The following PSMD11 variants were observed in gnomAD, a reference collection of about 807,000 sequenced individuals.
PSMD11 encodes the protein proteasome 26S subunit, non-ATPase 11.
Under a neutral mutation model 62.3 loss-of-function variants are expected in PSMD11, and 5 were observed. The ratio of observed to expected loss-of-function variants is 0.08; its 90% confidence interval spans 0.04 to 0.17. PSMD11 has a LOEUF of 0.17. Ranked by LOEUF, PSMD11 falls within the 10% of genes least tolerant of loss-of-function variation. The pLI is 1.00. For synonymous variants in PSMD11, 191 were observed against 191.8 expected (o/e 1.00, Z 0.03); for missense variants, 310 against 512.9 (o/e 0.60, Z 3.82).
chr17:32,479,967 A>G, intron 11 of PSMD11, 81 bp downstream of exon 11: 1 of 1,532,220 alleles, frequency 6.5e-7, no homozygotes, highest in South Asian at 1.1e-5. Flanking sequence ...GATTGGCCTC[A>G]TTGGAAAGCT....
At position 32,464,030 on chromosome 17, in the gene PSMD11, C is replaced by A; in HGVS notation, c.319-19C>A. On this transcript the variant is annotated intron_variant, in intron 3 of 13. Coordinates refer to ENST00000261712, the MANE Select transcript of PSMD11 (RefSeq NM_002815.4). ...ATTTGAGGACATAATGTTGCATGTA[C>A]TGTCTCTCCTTATTGCAGGTCGAGC... 6.2e-7 allele frequency: 1 copy of A among 1,610,532 alleles called. No homozygotes were observed. Among genetic ancestry groups the A allele is most frequent in the Non-Finnish European group, 8.5e-7 (1 of 1,176,734 alleles).
At chr17:32,447,144 G>A (rs1349519385) in intron 2 of PSMD11, 98 bp downstream of exon 2, 1 of 945,810 alleles carries the variant, frequency 1.1e-6, no homozygotes, top group East Asian at 3.1e-5. Flanking sequence ...ACTGAATTCA[G>A]CTTTATTTTC....
chr17:32,471,947 C>G lies in PSMD11; in HGVS notation c.644-1854C>G, dbSNP rs544244487. Among the ~76,000 whole-genome samples, 3 of 152,078 alleles carry G rather than the reference C, an allele frequency of 2.0e-5. No homozygotes were observed. The East Asian group carries it at 5.8e-4, about 29-fold the overall frequency. On this transcript the variant is annotated intron_variant, in intron 6 of 13. Coordinates refer to ENST00000261712, the MANE Select transcript of PSMD11 (RefSeq NM_002815.4). ...GCATTTTTGCTATCACAGCTCCCAT[C>G]GCTATCATCAGCCTCCCAGGCTCAC...
At chr17:32,463,966 G>A (rs1042749001) in intron 3 of PSMD11, 83 bp from the exon 4 acceptor site, 57 of 1,239,660 alleles carry the variant, frequency 4.6e-5, no homozygotes, top group Non-Finnish European at 5.7e-5. Context: ...TGTAAGGAGG[G>A]AATTTAAGCT....
intron 8 of PSMD11, chr17:32,476,731 C>G (rs894867439): frequency 6.6e-6 from 1 of 152,080 alleles, no homozygotes; most frequent in African/African-American, 2.4e-5. Flanking sequence ...ACCTTCATCA[C>G]TCTGTGGGGT....
chr17:32,479,719 T>C, intron 10 of PSMD11, 132 bp from the exon 11 acceptor site: 1 of 1,070,532 alleles, frequency 9.3e-7, no homozygotes. Context: ...ACAAGAGACT[T>C]AAGCACGGCC....
chr17:32,461,112 C>G (rs1292053568), intron 3 of PSMD11, among the ~76,000 whole-genome samples: 1 of 151,972 alleles, frequency 6.6e-6, no homozygotes, highest in Non-Finnish European at 1.5e-5. Context: ...GAGTCTCGCA[C>G]CGTCGCCCGG....
chr17:32,477,380 G>A (rs541129372), intron 8 of PSMD11, 141 bp from the exon 9 acceptor site: 14 of 585,662 alleles, frequency 2.4e-5, no homozygotes, highest in Middle Eastern at 5.4e-4. Context: ...TCTTCTTCCC[G>A]GGCGTCTGAA....
intron 7 of PSMD11, 131 bp downstream of exon 7, chr17:32,474,076 G>C (rs1908250797): frequency 8.9e-7 from 1 of 1,118,978 alleles, no homozygotes; most frequent in South Asian, 1.5e-5. Context: ...TCTAGGGCTG[G>C]CTAAGGTAGA....
At chr17:32,462,112 T>G (rs1360860934) in intron 3 of PSMD11, among the ~76,000 whole-genome samples, 1 of 152,230 alleles carries the variant, frequency 6.6e-6, no homozygotes, top group African/African-American at 2.4e-5. Flanking sequence ...TATTCTAGAC[T>G]AATGAATCAA....
chr17:32,450,379 C>G (rs1907454944), intron 2 of PSMD11, among the ~76,000 whole-genome samples: 1 of 151,970 alleles, frequency 6.6e-6, no homozygotes, highest in Middle Eastern at 3.4e-3. Flanking sequence ...CTCAGCCTCC[C>G]CAAGTAGCTG....
intron 1 of PSMD11, among the ~76,000 whole-genome samples, 153 bp from the exon 2 acceptor site, chr17:32,446,792 T>C (rs1420584686): frequency 6.6e-6 from 1 of 151,562 alleles, no homozygotes; most frequent in Non-Finnish European, 1.5e-5. Context: ...CTTTTTTTTT[T>C]CCTGGCTTAG....
chr17:32,458,251 C>G (rs2150832005), intron 3 of PSMD11, among the ~76,000 whole-genome samples: 1 of 152,254 alleles, frequency 6.6e-6, no homozygotes, highest in East Asian at 1.9e-4. Flanking sequence ...CAACTCAAAC[C>G]TTCAGTGGCT....
chr17:32,479,909 G>A, intron 11 of PSMD11, 23 bp downstream of exon 11: 2 of 1,610,288 alleles, frequency 1.2e-6, no homozygotes, highest in Non-Finnish European at 1.7e-6. Flanking sequence ...AAGGCCATCT[G>A]CAGGGAGGAA....
intron 3 of PSMD11, among the ~76,000 whole-genome samples, chr17:32,463,135 T>C (rs1281331221): frequency 6.6e-6 from 1 of 152,238 alleles, no homozygotes; most frequent in Non-Finnish European, 1.5e-5. Context: ...ACCAAAGTGA[T>C]AGAAGATCTT....
chr17:32,454,710 G>A lies in PSMD11; in HGVS notation c.318+91G>A, dbSNP rs756446665. On this transcript the variant is annotated intron_variant, in intron 3 of 13. Transcript: ENST00000261712. ...CTACCTGCACTTTAGTACTAATGTG[G>A]AAGGGAAAACTGGGAGGACAGCGCA... The A allele has an allele frequency of 2.1e-6, 3 of 1,408,558 alleles. No homozygotes were observed. In the African/African-American group the frequency reaches 4.3e-5, roughly 20 times the overall value. The allele number at this position is 1,408,558 out of a possible 1,614,324, so 87.3% of individuals were successfully genotyped here.
Position 32,446,940 on chromosome 17 carries a change from C to G in PSMD11, c.92-5C>G, listed in dbSNP as rs970637638. 2 of 1,603,544 alleles carry G rather than the reference C, an allele frequency of 1.2e-6. No individual in the cohort carries two copies. The highest frequency in any genetic ancestry group is 1.7e-6 in the Non-Finnish European group (2 of 1,173,168). ...TTTAAGAGGGTTTGCATTTTCCTCT[C>G]CCAGTGAAGCGTGACATTCAGGAAA... On this transcript the variant is annotated splice_polypyrimidine_tract_variant and splice_region_variant and intron_variant, in intron 1 of 13. Coordinates refer to ENST00000261712, the MANE Select transcript of PSMD11 (RefSeq NM_002815.4).
intron 3 of PSMD11, among the ~76,000 whole-genome samples, chr17:32,458,300 A>G (rs111853817): frequency 0.027 from 4,181 of 152,234 alleles, 124 homozygotes; most frequent in African/African-American, 0.078. Flanking sequence ...ATGGTTTTCT[A>G]TAATACAACC....
chr17:32,464,297 T>A (rs1212102221), intron 4 of PSMD11, among the ~76,000 whole-genome samples, 177 bp downstream of exon 4: 1 of 152,226 alleles, frequency 6.6e-6, no homozygotes, highest in Non-Finnish European at 1.5e-5. Context: ...TTGAGACAGA[T>A]TTGCTACTTG....
Sources: allele counts gnomAD v4.1 joint callset (sites outside exome capture counted in the v4.1 genomes callset), GRCh38; gene constraint gnomAD v4.1.1; transcripts MANE v1.5; gene names NCBI Gene and HGNC (gene_info 2026-07-23, HGNC 2026-07-21).